The following TMPRSS6 variants were observed in gnomAD, a reference collection of about 807,000 sequenced individuals.
The protein encoded by TMPRSS6 is transmembrane serine protease 6.
Under a neutral mutation model 101.5 loss-of-function variants are expected in TMPRSS6, and 67 were observed. That is an observed-to-expected ratio of 0.66 (90% CI 0.54 to 0.81). The LOEUF is 0.81. TMPRSS6 is among the 30% of genes least tolerant of loss of function. TMPRSS6 has a pLI of 0.00. For missense variants in TMPRSS6, 1,034 were observed against 1,088.7 expected (o/e 0.95, Z 0.71); for synonymous variants, 453 against 464.9 (o/e 0.97, Z 0.33).
At chr22:37,095,212 G>A (rs1200338871) in intron 6 of TMPRSS6, among the ~76,000 whole-genome samples, 2 of 152,188 alleles carry the variant, frequency 1.3e-5, no homozygotes, top group African/African-American at 4.8e-5. Flanking sequence ...ACCATCAGTG[G>A]AAACTAGCTT....
chr22:37,078,842 A>G (rs1927937697), intron 10 of TMPRSS6, among the ~76,000 whole-genome samples: 1 of 100,612 alleles, frequency 9.9e-6, no homozygotes, highest in Non-Finnish European at 2.0e-5. Flanking sequence ...GGAGGAGGAG[A>G]AGGAAGAGAA....
intron 13 of TMPRSS6, among the ~76,000 whole-genome samples, chr22:37,073,160 GTGGATGGATGGA>G (rs375343726): frequency 7.2e-6 from 1 of 138,170 alleles, no homozygotes; most frequent in Admixed American, 7.0e-5. Flanking sequence ...AGATGGGTGG[GTGGATGGATGGA>G]TGGATGGATG....
chr22:37,077,483 C>T (rs1253159899), intron 10 of TMPRSS6, among the ~76,000 whole-genome samples: 3 of 152,220 alleles, frequency 2.0e-5, no homozygotes, highest in African/African-American at 4.8e-5. Flanking sequence ...GTCCAAAAGT[C>T]ATGTTTATAG....
Position 37,083,670 on chromosome 22 carries a change from G to A in TMPRSS6, c.1196+625C>T, listed in dbSNP as rs1262342190. Among the ~76,000 whole-genome samples the A allele has an allele frequency of 6.6e-5, 10 of 152,224 alleles. No homozygotes were observed. In the East Asian group the frequency reaches 1.2e-3, roughly 18 times the overall value. ...CATAGTGACCCTGGCAACGGTAGTCGCTTAGCCTAACCCCACTGTCTCTTG... is the reference window on the plus strand; with the variant it reads ...CATAGTGACCCTGGCAACGGTAGTCACTTAGCCTAACCCCACTGTCTCTTG... On this transcript the variant is annotated intron_variant, in intron 10 of 17. Coordinates refer to ENST00000676104, the MANE Select transcript of TMPRSS6 (RefSeq NM_001374504.1).
chr22:37,104,360 G>A (rs1930579201), intron 1 of TMPRSS6, among the ~76,000 whole-genome samples: 2 of 152,232 alleles, frequency 1.3e-5, no homozygotes. Flanking sequence ...CAGCAGGGAA[G>A]TGGAGGTTGA....
Position 37,069,443 on chromosome 22 carries a change from G to C in TMPRSS6, c.1842-99C>G. 8.4e-7 allele frequency: 1 copy of C among 1,187,490 alleles called. No homozygotes were observed. The highest frequency in any genetic ancestry group is 1.2e-6 in the Non-Finnish European group (1 of 848,694). 73.6% of individuals were successfully genotyped at this position (1,187,490 alleles called of 1,614,324 possible). A position where few individuals can be genotyped will look rare whatever the true frequency, so the allele number is the denominator to read the frequency against. ...CCTCAAGATAGCCAGATCCCCGCCC[G>C]GGACAGTGCCCTCCACACCCAGCCC... On this transcript the variant is annotated intron_variant, in intron 15 of 17. Transcript: ENST00000676104. The surrounding 1 kb of genome is among the most constrained non-coding windows in gnomAD (Gnocchi z 4.8).
chr22:37,068,721 C>A (rs1926567260), intron 16 of TMPRSS6: 1 of 779,416 alleles, frequency 1.3e-6, no homozygotes, highest in South Asian at 1.3e-5. Context: ...CCCCTAAAAT[C>A]CAGCCTGGAT....
intron 1 of TMPRSS6, among the ~76,000 whole-genome samples, chr22:37,108,431 G>A (rs767958613): frequency 1.4e-4 from 22 of 152,176 alleles, no homozygotes; most frequent in Non-Finnish European, 2.8e-4. Context: ...TCCTGGAAGC[G>A]GGGACTGTGC....
Position 37,089,802 on chromosome 22 carries a change from A to T in TMPRSS6, c.632-20T>A. The T allele has an allele frequency of 6.2e-7, 1 of 1,605,686 alleles. No homozygotes were observed. ...AACAACCTGGAGCGGGGAGAGGGGC[A>T]CAGCCCCTGATTCCTGTGAGCCAGA... On this transcript the variant is annotated intron_variant, in intron 6 of 17. Coordinates refer to ENST00000676104, the MANE Select transcript of TMPRSS6 (RefSeq NM_001374504.1).
chr22:37,103,177 C>A lies in TMPRSS6; in HGVS notation c.202+39G>T. On this transcript the variant is annotated intron_variant, in intron 2 of 17. Transcript: ENST00000676104. This position sits in a 1 kb window ranked among gnomAD's most constrained non-coding sequence, Gnocchi z 4.4. The stretch of plus-strand genomic sequence containing the variant: ...GTGCCTGCTACAGTCACCCCAAGTC[C>A]TCCCCAGGTGCCTCTCCCAGGCGGT... 1 of 1,608,034 alleles carries A rather than the reference C, an allele frequency of 6.2e-7. No individual in the cohort carries two copies. The highest frequency in any genetic ancestry group is 8.5e-7 in the Non-Finnish European group (1 of 1,175,736).
At position 37,066,928 on chromosome 22, in the gene TMPRSS6, C is replaced by A; in HGVS notation, c.2148G>T (p.Val716=). The part of the protein sequence containing the change: ...PISNALQKVD[V]QLIPQDLCSE... Reference sequence around the variant, plus strand: ...TGCACAGGTCCTGTGGGATCAACTGCACATCCACTTTCTGCAGAGCGTTGC... The same window carrying A: ...TGCACAGGTCCTGTGGGATCAACTGAACATCCACTTTCTGCAGAGCGTTGC... Residue 716 remains valine (V), a synonymous_variant, in exon 17 of 18, where the codon GTG becomes GTT. Coordinates refer to ENST00000676104, the MANE Select transcript of TMPRSS6 (RefSeq NM_001374504.1). 1.2e-6 allele frequency: 2 copies of A among 1,614,196 alleles called. No homozygotes were observed. The highest frequency in any genetic ancestry group is 1.7e-6 in the Non-Finnish European group (2 of 1,180,042).
At chr22:37,074,909 C>T (rs1233445563) in intron 11 of TMPRSS6, among the ~76,000 whole-genome samples, 1 of 152,256 alleles carries the variant, frequency 6.6e-6, no homozygotes, top group African/African-American at 2.4e-5. Context: ...ACAACACACA[C>T]GTGGATATGT....
rs140758411 is a variant in TMPRSS6 at position 37,070,955 on chromosome 22, G to A, written c.1633C>T (p.Arg545Trp). 125 of 1,613,230 alleles carry A rather than the reference G, an allele frequency of 7.7e-5. No homozygotes were observed. In the African/African-American group the frequency reaches 1.2e-3, roughly 16 times the overall value. ...TCCGAGCCGTCCCTGCAGTCGGGCCGCCCATCACACTGCGGGTTGGGCTTC... is the reference window on the plus strand; with the variant it reads ...TCCGAGCCGTCCCTGCAGTCGGGCCACCCATCACACTGCGGGTTGGGCTTC... ...VKKPNPQCDGRPDCRDGSDEE... is the reference protein window; with the variant it reads ...VKKPNPQCDGWPDCRDGSDEE... The change falls in exon 14 of 18, where the codon CGG (arginine) becomes TGG (tryptophan). Residue 545 changes from arginine (R) to tryptophan (W), a missense_variant. Arg to Trp is a moderately radical substitution (Grantham distance 101). Coordinates refer to ENST00000676104, the MANE Select transcript of TMPRSS6 (RefSeq NM_001374504.1).
chr22:37,079,952 TC>T, intron 10 of TMPRSS6: 1 of 152,242 alleles, frequency 6.6e-6, no homozygotes, highest in Admixed American at 6.5e-5. Flanking sequence ...CCAGGCCGGG[TC>T]GGGGGTGGCT....
At chr22:37,078,868 G>A (rs367576021) in intron 10 of TMPRSS6, among the ~76,000 whole-genome samples, 1 of 22,810 alleles carries the variant, frequency 4.4e-5, no homozygotes, top group Non-Finnish European at 8.7e-5. Context: ...AGAAGGAGAA[G>A]AGGAAGGGAG....
chr22:37,100,656 C>T (rs755103941), intron 2 of TMPRSS6, among the ~76,000 whole-genome samples: 6 of 152,224 alleles, frequency 3.9e-5, no homozygotes, highest in South Asian at 2.1e-4. Context: ...GCATAGGGTC[C>T]GAGATGCTCC....
chr22:37,074,576 A>AG, intron 12 of TMPRSS6, 34 bp downstream of exon 12: 1 of 1,592,458 alleles, frequency 6.3e-7, no homozygotes, highest in Non-Finnish European at 8.6e-7. Context: ...AGGGATGGGC[A>AG]GGGAGAGGAG....
At chr22:37,075,909 A>G (rs997981114) in intron 10 of TMPRSS6, among the ~76,000 whole-genome samples, 1 of 151,780 alleles carries the variant, frequency 6.6e-6, no homozygotes, top group Non-Finnish European at 1.5e-5. Context: ...TCAAAAAAAG[A>G]AAGAAAGAGA....
At chr22:37,084,878 G>C in intron 8 of TMPRSS6, 39 bp from the exon 9 acceptor site, 1 of 1,500,112 alleles carries the variant, frequency 6.7e-7, no homozygotes, top group Non-Finnish European at 9.1e-7. Flanking sequence ...GGGTCCCCTG[G>C]CTGCACCTCC....
Sources: allele counts gnomAD v4.1 joint callset (sites outside exome capture counted in the v4.1 genomes callset), GRCh38; gene constraint gnomAD v4.1.1; non-coding constraint Gnocchi (gnomAD v3.1); transcripts MANE v1.5; gene names NCBI Gene and HGNC (gene_info 2026-07-23, HGNC 2026-07-21).